Variants in ZNF821 observed in about 807,000 individuals in gnomAD.
ZNF821 encodes the protein zinc finger protein 821.
In ZNF821, 16 loss-of-function variants were observed where a neutral mutation model predicts 44.3. The observed-to-expected ratio is 0.36, with a 90% CI of 0.24 to 0.55. ZNF821 has a LOEUF of 0.55. Among genes scored for constraint, ZNF821 ranks in the 20% least tolerant of loss-of-function variants. The pLI is 0.86. For synonymous variants in ZNF821, 204 were observed against 197.6 expected (o/e 1.03, Z -0.27); for missense variants, 436 against 547.6 (o/e 0.80, Z 2.03).
Position 71,864,986 on chromosome 16 carries a change from C to T in ZNF821, c.229G>A (p.Glu77Lys), listed in dbSNP as rs1567409855. The T allele has an allele frequency of 6.2e-7, 1 of 1,614,240 alleles. No individual in the cohort carries two copies. Among genetic ancestry groups the T allele is most frequent in the Non-Finnish European group, 8.5e-7 (1 of 1,180,054 alleles). The change falls in exon 5 of 8, where the codon GAA becomes AAA. Residue 77 changes from glutamate to lysine, a missense_variant. By Grantham distance (56) the Glu-to-Lys change is moderately conservative (BLOSUM62 1). Around this residue, in one of 5 missense-constraint regions of ZNF821, gnomAD observed 238 missense variants for 281.4 expected, o/e 0.85. Transcript: ENST00000425432. ...QDEVSSHTSEEDGGVVKVEKE... is the reference protein window; with the variant it reads ...QDEVSSHTSEKDGGVVKVEKE... ...TCCACTTTGACCACCCCTCCATCTT[C>T]CTCTGATGTGTGGGAAGAGACTTCA...
At chr16:71,880,093 A>G in intron 2 of ZNF821, 70 bp from the exon 3 acceptor site, 1 of 701,606 alleles carries the variant, frequency 1.4e-6, no homozygotes, top group Non-Finnish European at 2.3e-6. Flanking sequence ...TAAAGATAAA[A>G]TGTCCTTAAA....
At chr16:71,894,744 C>A in intron 1 of ZNF821, 1 of 806,546 alleles carries the variant, frequency 1.2e-6, no homozygotes, top group Non-Finnish European at 2.0e-6. Context: ...CTATGGTGTC[C>A]AGGCTGGTCT....
At chr16:71,861,649 T>G (rs763803015) in intron 7 of ZNF821, 127 bp downstream of exon 7, 6 of 1,079,748 alleles carry the variant, frequency 5.6e-6, no homozygotes, top group Middle Eastern at 3.1e-4. Context: ...TTCTTACTTG[T>G]ACTTCCAAGG....
chr16:71,894,008 G>C (rs2036915964), intron 1 of ZNF821: 1 of 151,796 alleles, frequency 6.6e-6, no homozygotes, highest in African/African-American at 2.4e-5. Context: ...TTGAACTCCT[G>C]ACCTCAGGTG....
intron 3 of ZNF821, among the ~76,000 whole-genome samples, chr16:71,871,746 C>T (rs1401867762): frequency 6.6e-6 from 1 of 151,928 alleles, no homozygotes; most frequent in East Asian, 1.9e-4. Flanking sequence ...CAACTACACT[C>T]TCACAATAAA....
chr16:71,862,249 G>A, intron 6 of ZNF821, among the ~76,000 whole-genome samples: 1 of 152,206 alleles, frequency 6.6e-6, no homozygotes, highest in East Asian at 1.9e-4. Flanking sequence ...GGCCGAGGCA[G>A]GTGGATCACG....
chr16:71,893,319 G>A (rs1203481435), intron 1 of ZNF821, among the ~76,000 whole-genome samples: 4 of 151,448 alleles, frequency 2.6e-5, no homozygotes, highest in South Asian at 2.1e-4. Flanking sequence ...GAGCCACCGC[G>A]CCCGGCCAAT....
intron 4 of ZNF821, among the ~76,000 whole-genome samples, chr16:71,865,552 C>G (rs1233418799): frequency 1.3e-5 from 2 of 152,230 alleles, no homozygotes; most frequent in Non-Finnish European, 2.9e-5. Context: ...TCAAGTTTTT[C>G]TTCCCTCTTA....
At chr16:71,865,073 G>A in intron 4 of ZNF821, 25 bp from the exon 5 acceptor site, 1 of 1,613,910 alleles carries the variant, frequency 6.2e-7, no homozygotes. Context: ...CTGGTCACTT[G>A]TTCTGATTTT....
At chr16:71,884,243 C>T (rs1450084945), upstream of ZNF821, 1 of 151,984 alleles carries the variant, frequency 6.6e-6, no homozygotes, top group Non-Finnish European at 1.5e-5. Context: ...CCGGCCAGGT[C>T]CCCTTCCCCG....
chr16:71,888,994 C>A (rs1008914592), upstream of ZNF821, among the ~76,000 whole-genome samples: 1 of 152,202 alleles, frequency 6.6e-6, no homozygotes, highest in East Asian at 1.9e-4. Context: ...CGAGGTGGCT[C>A]ATGCCTTTGG....
chr16:71,888,250 T>G (rs2142500091), upstream of ZNF821, among the ~76,000 whole-genome samples: 1 of 152,278 alleles, frequency 6.6e-6, no homozygotes, highest in East Asian at 1.9e-4. Context: ...TCACGGCACA[T>G]AGTGTCCTTT....
rs1220028179 is a variant in ZNF821, at chr16:71,860,435, C to T, written c.822G>A (p.Leu274=). The T allele has an allele frequency of 3.1e-6, 5 of 1,613,616 alleles. No individual in the cohort carries two copies. Among genetic ancestry groups the T allele is most frequent in the Non-Finnish European group, 4.2e-6 (5 of 1,180,046 alleles). The change falls in exon 8 of 8, where the codon CTG becomes CTA. Residue 274 remains leucine, a synonymous_variant. Transcript: ENST00000425432. The surrounding 1 kb of genome is among the most constrained non-coding windows in gnomAD (Gnocchi z 7.3). The stretch of plus-strand genomic sequence containing the variant: ...TCTTCTTGGCCGTGCGCTCTCGTTC[C>T]AGCCGCTGCAGCCGTACTTCCAAAG... ...NEPLEVRLQR[L]ERERTAKKSR...
At position 71,879,964 on chromosome 16, in the gene ZNF821, G is replaced by A; in HGVS notation, c.-18C>T. On this transcript the variant is annotated 5_prime_UTR_variant, in exon 3 of 8. Transcript: ENST00000425432. ...CGGGACATGTTTCCCTGATGCAAGA[G>A]CTCTGGTCTTTCCCAGTTTCACGAC... The A allele has an allele frequency of 6.2e-7, 1 of 1,611,834 alleles. No homozygotes were observed. Among genetic ancestry groups the A allele is most frequent in the African/African-American group, 1.3e-5 (1 of 74,934 alleles).
At chr16:71,863,203 A>G (rs2034116099) in intron 6 of ZNF821, among the ~76,000 whole-genome samples, 1 of 151,936 alleles carries the variant, frequency 6.6e-6, no homozygotes, top group Non-Finnish European at 1.5e-5. Flanking sequence ...GCCCATGTTA[A>G]CTAATTTTCT....
Position 71,860,081 on chromosome 16 carries a change from C to T in ZNF821, c.1176G>A (p.Glu392=). The T allele has an allele frequency of 6.2e-7, 1 of 1,614,158 alleles. No individual in the cohort carries two copies. The highest frequency in any genetic ancestry group is 8.5e-7 in the Non-Finnish European group (1 of 1,180,010). ...TCTTGCCCAGAAGCTGGCTGTCCAA[C>T]TCCACCCCACTTACAGGCAGCTGGA... is the stretch of plus-strand genomic sequence containing the variant. ...NFFQLPVSGV[E]LDSQLLGKMA... Residue 392 remains glutamate (E), a synonymous_variant, in exon 8 of 8, where the codon GAG becomes GAA. Transcript: ENST00000425432. This position sits in a 1 kb window ranked among gnomAD's most constrained non-coding sequence, Gnocchi z 7.3.
upstream of ZNF821, among the ~76,000 whole-genome samples, chr16:71,888,389 G>C (rs1430166804): frequency 6.6e-6 from 1 of 151,880 alleles, no homozygotes; most frequent in Non-Finnish European, 1.5e-5. Context: ...TTTCTCTTAG[G>C]AGTTTTTTAG....
chr16:71,861,005 G>C (rs1282146272), intron 7 of ZNF821, among the ~76,000 whole-genome samples: 3 of 152,062 alleles, frequency 2.0e-5, no homozygotes, highest in Non-Finnish European at 4.4e-5. Context: ...ACAGGCGCAC[G>C]CCACCACGCC....
chr16:71,860,763 G>T lies in ZNF821; in HGVS notation c.585-91C>A. ...CTTATTCTTTTCCTATGAGGCCAGTGGCTCCACGCTCACCACAAGGGGTCA... is the reference window on the plus strand; with the variant it reads ...CTTATTCTTTTCCTATGAGGCCAGTTGCTCCACGCTCACCACAAGGGGTCA... On this transcript the variant is annotated intron_variant, in intron 7 of 7. Transcript: ENST00000425432. The surrounding 1 kb of genome is among the most constrained non-coding windows in gnomAD (Gnocchi z 7.3). 1 of 1,324,354 alleles carries T rather than the reference G, an allele frequency of 7.6e-7. No individual in the cohort carries two copies. Among genetic ancestry groups the T allele is most frequent in the Admixed American group, 2.3e-5 (1 of 44,294 alleles). 82.0% of individuals were successfully genotyped at this position (1,324,354 alleles called of 1,614,324 possible).
Sources: gnomAD v4.1 joint callset for allele counts (sites outside exome capture counted in the v4.1 genomes callset) on GRCh38, gnomAD v4.1.1 for gene constraint, gnomAD v4.1.1 regional missense constraint, Gnocchi (gnomAD v3.1) non-coding constraint, MANE v1.5 for transcripts, NCBI Gene and HGNC (gene_info 2026-07-23, HGNC 2026-07-21) for gene names.